ROBO2: variants seen among roughly 807,000 people sequenced by gnomAD.
The protein encoded by ROBO2 is roundabout guidance receptor 2, also known as roundabout homolog 2.
Under a neutral mutation model 160.8 loss-of-function variants are expected in ROBO2, and 53 were observed. The observed-to-expected ratio is 0.33, with a 90% CI of 0.26 to 0.41. The LOEUF (loss-of-function observed/expected upper bound fraction) is 0.41. ROBO2 is among the 10% of genes least tolerant of loss of function. The probability of loss-of-function intolerance (pLI) is 1.00; values close to 1 mark genes in which losing one functional copy is unlikely to be tolerated. For missense variants in ROBO2, 1,577 were observed against 1,722.4 expected, an observed-to-expected ratio of 0.92 and a Z score of 1.49; for synonymous variants, 664 against 611.7, an observed-to-expected ratio of 1.09 and a Z score of -1.26.
chr3:76,061,142 A>G (rs964611721), intron 2 of ROBO2, among the ~76,000 whole-genome samples: 5 of 152,222 alleles, frequency 3.3e-5, no homozygotes, highest in Non-Finnish European at 7.3e-5. Flanking sequence ...ACATGTGCAA[A>G]TTCTCAGCAA....
intron 2 of ROBO2, among the ~76,000 whole-genome samples, chr3:77,264,280 A>T (rs1366844518): frequency 6.6e-6 from 1 of 152,202 alleles, no homozygotes; most frequent in Non-Finnish European, 1.5e-5. Context: ...ACTTAAAAAG[A>T]CCCAGAGAAA....
At chr3:77,042,887 A>C (rs2064236530) in intron 1 of ROBO2, among the ~76,000 whole-genome samples, 1 of 152,228 alleles carries the variant, frequency 6.6e-6, no homozygotes, top group Non-Finnish European at 1.5e-5. Context: ...AATGTAGTGA[A>C]AAATGCCAAA....
intron 5 of ROBO2, among the ~76,000 whole-genome samples, chr3:77,498,407 A>G (rs1239213210): frequency 6.6e-6 from 1 of 152,190 alleles, no homozygotes; most frequent in African/African-American, 2.4e-5. Flanking sequence ...ATAAAATAGA[A>G]AAGGGAGTAG....
intron 2 of ROBO2, among the ~76,000 whole-genome samples, chr3:76,097,301 A>C (rs2069492962): frequency 6.6e-6 from 1 of 152,160 alleles, no homozygotes; most frequent in South Asian, 2.1e-4. Flanking sequence ...TTCCCAGTGC[A>C]GATCTCATAG....
chr3:76,979,822 T>A (rs2149321434), intron 2 of ROBO2, among the ~76,000 whole-genome samples: 1 of 152,230 alleles, frequency 6.6e-6, no homozygotes, highest in Admixed American at 6.5e-5. Context: ...TACTTGATGT[T>A]TTCTTTTATT....
At chr3:76,906,210 CTT>C (rs2075592306) in intron 2 of ROBO2, among the ~76,000 whole-genome samples, 1 of 151,938 alleles carries the variant, frequency 6.6e-6, no homozygotes, top group Middle Eastern at 3.4e-3. Flanking sequence ...CAGAAATAAA[CTT>C]TTTCTTTTAA....
chr3:76,622,919 A>C (rs1400220258), intron 2 of ROBO2, among the ~76,000 whole-genome samples: 1 of 152,184 alleles, frequency 6.6e-6, no homozygotes, highest in Non-Finnish European at 1.5e-5. Flanking sequence ...ATATCCAGTG[A>C]CAGGCTTCCC....
chr3:76,971,744 C>T (rs1339670631), intron 2 of ROBO2, among the ~76,000 whole-genome samples: 3 of 152,106 alleles, frequency 2.0e-5, no homozygotes, highest in Admixed American at 6.5e-5. Context: ...CTATTAATAG[C>T]TTAAAGGCAA....
Position 77,240,699 on chromosome 3 carries a change from A to G in ROBO2, c.388+142359A>G, listed in dbSNP as rs571264642. 3.3e-5 allele frequency among the ~76,000 whole-genome samples: 5 copies of G among 152,358 alleles called. No homozygotes were observed. The East Asian group carries it at 7.7e-4, about 24-fold the overall frequency. On this transcript the variant is annotated intron_variant, in intron 2 of 25. Coordinates refer to ENST00000461745, the Ensembl canonical transcript of ROBO2. ...GAATCCAGTGATGTGGAACCCATGGATATGGAGAGCCAACTGTATAGTTAT... is the reference window on the plus strand; with the variant it reads ...GAATCCAGTGATGTGGAACCCATGGGTATGGAGAGCCAACTGTATAGTTAT...
chr3:76,563,408 G>T (rs1429518984), intron 2 of ROBO2, among the ~76,000 whole-genome samples: 3 of 152,088 alleles, frequency 2.0e-5, no homozygotes, highest in Non-Finnish European at 4.4e-5. Flanking sequence ...ATTGCTGCTT[G>T]TTGAGAATCT....
intron 2 of ROBO2, among the ~76,000 whole-genome samples, chr3:77,291,293 C>G (rs1342946550): frequency 8.0e-6 from 1 of 124,266 alleles, no homozygotes; most frequent in Non-Finnish European, 1.7e-5. Flanking sequence ...AGACATAAAG[C>G]AAAATTGACG....
chr3:77,198,029 A>T (rs1359896683), intron 2 of ROBO2, among the ~76,000 whole-genome samples: 1 of 152,208 alleles, frequency 6.6e-6, no homozygotes, highest in Non-Finnish European at 1.5e-5. Flanking sequence ...TCCTATTCAC[A>T]TTTGTATCAC....
chr3:77,459,636 G>C (rs949434363), intron 2 of ROBO2, among the ~76,000 whole-genome samples: 1 of 152,184 alleles, frequency 6.6e-6, no homozygotes, highest in Admixed American at 6.5e-5. Flanking sequence ...TGATCTTGCT[G>C]CTTCTTTAGT....
At chr3:76,538,435 T>C (rs1315295094) in intron 2 of ROBO2, among the ~76,000 whole-genome samples, 2 of 152,198 alleles carry the variant, frequency 1.3e-5, no homozygotes, top group Non-Finnish European at 2.9e-5. Context: ...CCTGTGCCAC[T>C]GAGTTAGGAT....
chr3:76,897,825 A>C (rs1052305052), intron 2 of ROBO2, among the ~76,000 whole-genome samples: 1 of 152,060 alleles, frequency 6.6e-6, no homozygotes, highest in African/African-American at 2.4e-5. Context: ...TGTCTGTCCA[A>C]TGGCTATATC....
In ROBO2 at chr3:76,572,541, A is replaced by G. The variant is rs142907368; in HGVS notation, c.110-525473A>G. Reference sequence around the variant, plus strand: ...ATTTACTTGAACAGTGTGCTCAAACAATGCATAAACAGATTAATCTGATTT... The same window carrying G: ...ATTTACTTGAACAGTGTGCTCAAACGATGCATAAACAGATTAATCTGATTT... On this transcript the variant is annotated intron_variant, in intron 2 of 26. Coordinates refer to the ROBO2 transcript ENST00000487694. Among the ~76,000 whole-genome samples, 465 of 152,272 alleles carry G rather than the reference A, an allele frequency of 3.1e-3. 2 individuals carry two copies. The highest frequency in any genetic ancestry group is 0.011 in the African/African-American group (456 of 41,540).
rs1217291266 is a variant in ROBO2 at position 76,633,876 on chromosome 3, T to G, written c.110-464138T>G. On this transcript the variant is annotated intron_variant, in intron 2 of 26. Coordinates refer to the ROBO2 transcript ENST00000487694. ...GCCCACAGCCTCAGCTTCTAACTAC[T>G]ATGCCTCACTGATAACCCCAACAAG... Among the ~76,000 whole-genome samples the G allele has an allele frequency of 2.7e-5, 4 of 147,836 alleles. No homozygotes were observed. The East Asian group carries it at 7.8e-4, about 29-fold the overall frequency.
At chr3:77,248,687 G>A (rs1208482606) in intron 2 of ROBO2, among the ~76,000 whole-genome samples, 2 of 151,978 alleles carry the variant, frequency 1.3e-5, no homozygotes, top group Non-Finnish European at 2.9e-5. Context: ...AGCAGCCAGC[G>A]AGGTCCAGGG....
intron 2 of ROBO2, among the ~76,000 whole-genome samples, chr3:75,966,354 G>A (rs1000131682): frequency 2.6e-5 from 4 of 151,654 alleles, no homozygotes; most frequent in Non-Finnish European, 4.4e-5. Context: ...AATAGTCACA[G>A]TAGCAACCAC....
Sources: allele counts gnomAD v4.1 joint callset (sites outside exome capture counted in the v4.1 genomes callset), GRCh38; gene constraint gnomAD v4.1.1; transcripts MANE v1.5; gene names NCBI Gene and HGNC (gene_info 2026-07-23, HGNC 2026-07-21).